CPD: variants seen among roughly 807,000 people sequenced by gnomAD.
The protein encoded by CPD is carboxypeptidase D.
A neutral mutation model predicts 138.3 loss-of-function variants in CPD; 69 were observed. That is an observed-to-expected ratio of 0.50 (90% CI 0.41 to 0.61). The LOEUF (loss-of-function observed/expected upper bound fraction) is 0.61. CPD is among the 20% of genes least tolerant of loss of function. The pLI is 0.00. For synonymous variants in CPD, 651 were observed against 642.1 expected, an observed-to-expected ratio of 1.01 and a Z score of -0.21; for missense variants, 1,432 against 1,733.3, an observed-to-expected ratio of 0.83 and a Z score of 3.09.
intron 2 of CPD, among the ~76,000 whole-genome samples, chr17:30,406,767 A>T (rs948875111): frequency 1.3e-5 from 2 of 152,082 alleles, no homozygotes; most frequent in African/African-American, 4.8e-5. Flanking sequence ...ATGCAAAAAA[A>T]CCCTTAGATT....
At chr17:30,432,000 C>T in intron 8 of CPD, 119 bp downstream of exon 8, 1 of 680,364 alleles carries the variant, frequency 1.5e-6, no homozygotes, top group East Asian at 2.8e-5. Context: ...ATGACTTTTT[C>T]AGCTGTTTCC....
At chr17:30,382,830 G>C (rs905667801) in intron 1 of CPD, among the ~76,000 whole-genome samples, 2 of 152,162 alleles carry the variant, frequency 1.3e-5, no homozygotes, top group Non-Finnish European at 2.9e-5. Flanking sequence ...GAATATGAAT[G>C]CCCAGAGGGT....
At chr17:30,427,106 C>T (rs1450061420) in intron 6 of CPD, among the ~76,000 whole-genome samples, 12 of 150,810 alleles carry the variant, frequency 8.0e-5, no homozygotes, top group Non-Finnish European at 1.8e-4. Flanking sequence ...CGCTTGAACC[C>T]GGGAGATGGT....
intron 2 of CPD, among the ~76,000 whole-genome samples, chr17:30,407,484 C>A (rs1911833446): frequency 6.6e-6 from 1 of 152,132 alleles, no homozygotes; most frequent in African/African-American, 2.4e-5. Context: ...TCTATTGTTT[C>A]CTGACTTTTT....
At chr17:30,454,885 A>G (rs561877443) in intron 14 of CPD, 1 of 154,532 alleles carries the variant, frequency 6.5e-6, no homozygotes, top group South Asian at 2.0e-4. Context: ...ATTCACTATC[A>G]CAAGAATAGC....
At chr17:30,462,196 A>T (rs2143514095) in intron 19 of CPD, 134 bp downstream of exon 19, 1 of 1,079,258 alleles carries the variant, frequency 9.3e-7, no homozygotes, top group South Asian at 1.7e-5. Flanking sequence ...TGATTATGAT[A>T]TCTTGTTATC....
intron 14 of CPD, 44 bp from the exon 15 acceptor site, chr17:30,455,295 G>T (rs1218349989): frequency 1.3e-6 from 2 of 1,513,144 alleles, no homozygotes; most frequent in Non-Finnish European, 1.8e-6. Context: ...CTCATACTAA[G>T]ATTTAAAATT....
chr17:30,462,887 C>G (rs542130430), intron 20 of CPD, among the ~76,000 whole-genome samples: 1 of 152,034 alleles, frequency 6.6e-6, no homozygotes, highest in Non-Finnish European at 1.5e-5. Flanking sequence ...AAGGGATGGG[C>G]CAAAATAAAG....
chr17:30,400,074 T>G (rs929564978), intron 2 of CPD, among the ~76,000 whole-genome samples: 5 of 152,238 alleles, frequency 3.3e-5, no homozygotes, highest in African/African-American at 1.2e-4. Context: ...TAATGAGTTT[T>G]ACAATTCCTG....
intron 1 of CPD, 49 bp from the exon 2 acceptor site, chr17:30,384,940 T>C: frequency 6.3e-7 from 1 of 1,575,396 alleles, no homozygotes; most frequent in African/African-American, 1.4e-5. Context: ...TAATGCATGG[T>C]GTTTTGTGTC....
chr17:30,444,363 T>TAGTTGATGAAG (rs1912967905), intron 11 of CPD, among the ~76,000 whole-genome samples: 1 of 152,120 alleles, frequency 6.6e-6, no homozygotes, highest in African/African-American at 2.4e-5. Context: ...GGAAATGTGT[T>TAGTTGATGAAG]CAAGATAGTT....
rs376371688 is a variant in CPD at position 30,443,967 on chromosome 17, C to T, written c.2539C>T (p.Arg847Ter). Residue 847 changes from arginine (R) to a stop codon, truncating the protein, a stop_gained, in exon 11 of 21, where the codon CGA becomes TGA. Coordinates refer to ENST00000225719, the MANE Select transcript of CPD (RefSeq NM_001304.5). LOFTEE classifies it high-confidence loss of function. ...AACTTATAAAATCACAGCATCTGCT[C>T]GAGGGTGAGTGACTGAATGCTTTGA... ...PGTYKITASARGYNPVTKNVT... is the reference protein window; with the variant it reads ...PGTYKITASA The T allele has an allele frequency of 1.9e-6, 3 of 1,613,480 alleles. No homozygotes were observed. The highest frequency in any genetic ancestry group is 8.5e-7 in the Non-Finnish European group (1 of 1,179,692).
At chr17:30,380,690 C>A in intron 1 of CPD, 1 of 1,320,400 alleles carries the variant, frequency 7.6e-7, no homozygotes, top group Non-Finnish European at 1.0e-6. Flanking sequence ...TTCCCACTGG[C>A]AAGATGTGTG....
chr17:30,444,378 C>G (rs1912968875), intron 11 of CPD, among the ~76,000 whole-genome samples: 2 of 152,030 alleles, frequency 1.3e-5, no homozygotes, highest in African/African-American at 2.4e-5. Context: ...ATAGTTTTTC[C>G]TTTAAAGGAG....
intron 2 of CPD, among the ~76,000 whole-genome samples, chr17:30,387,952 C>T (rs1012242999): frequency 6.6e-6 from 1 of 152,076 alleles, no homozygotes; most frequent in Non-Finnish European, 1.5e-5. Context: ...CAGAGGAGAC[C>T]GGCAGTGGGC....
intron 18 of CPD, 136 bp downstream of exon 18, chr17:30,461,447 TTA>T (rs1913471173): frequency 1.6e-6 from 1 of 622,018 alleles, no homozygotes; most frequent in African/African-American, 1.9e-5. Flanking sequence ...TTTGGTCATT[TTA>T]TGTTTCCTAA....
At position 30,395,590 on chromosome 17, in the gene CPD, TA is replaced by T. The variant is rs557918341; in HGVS notation, c.994+10357del. On this transcript the variant is annotated intron_variant, in intron 2 of 20. Coordinates refer to ENST00000225719, the MANE Select transcript of CPD (RefSeq NM_001304.5). ...GTACTTTGTAACGTGATAATAGGCC[TA>T]AATGAAGAGAACCTAACACTCCTTT... 2.5e-3 allele frequency among the ~76,000 whole-genome samples: 376 copies of T among 152,248 alleles called. 1 individual carries two copies. Among genetic ancestry groups the T allele is most frequent in the African/African-American group, 8.6e-3 (359 of 41,556 alleles).
intron 20 of CPD, among the ~76,000 whole-genome samples, chr17:30,464,351 T>C (rs1348302111): frequency 6.6e-6 from 1 of 152,178 alleles, no homozygotes; most frequent in Non-Finnish European, 1.5e-5. Flanking sequence ...CTCTGGGTAA[T>C]GGAAATGTAA....
chr17:30,429,622 G>A (rs978827402), intron 7 of CPD, among the ~76,000 whole-genome samples: 3 of 152,196 alleles, frequency 2.0e-5, no homozygotes, highest in Non-Finnish European at 2.9e-5. Context: ...ATGTTTGTAT[G>A]TGGCACAGGC....
Sources: allele counts gnomAD v4.1 joint callset (sites outside exome capture counted in the v4.1 genomes callset), GRCh38; gene constraint gnomAD v4.1.1; transcripts MANE v1.5; gene names NCBI Gene and HGNC (gene_info 2026-07-23, HGNC 2026-07-21).